The following CCDC38 variants were observed in gnomAD, a reference collection of about 807,000 sequenced individuals.
CCDC38 encodes the protein coiled-coil domain containing 38, also known as coiled-coil domain-containing protein 38.
In CCDC38, 69 loss-of-function variants were observed where a neutral mutation model predicts 72.8. The observed-to-expected ratio is 0.95, with a 90% CI of 0.78 to 1.16. The LOEUF is 1.16. Among genes scored for constraint, CCDC38 ranks in the 50% most tolerant of loss-of-function variants. The pLI is 0.00. For missense variants in CCDC38, 626 were observed against 638.9 expected (o/e 0.98, Z 0.22); for synonymous variants, 201 against 213.2 (o/e 0.94, Z 0.50).
Position 95,898,404 on chromosome 12 carries a change from C to G in CCDC38, c.595G>C (p.Glu199Gln). 3 of 1,614,206 alleles carry G rather than the reference C, an allele frequency of 1.9e-6. No homozygotes were observed. Among genetic ancestry groups the G allele is most frequent in the Middle Eastern group, 3.3e-4 (2 of 6,062 alleles). The change falls in exon 7 of 16, where the codon GAG (glutamate) becomes CAG (glutamine). Residue 199 changes from glutamate (E) to glutamine (Q), a missense_variant. Coordinates refer to ENST00000344280, the MANE Select transcript of CCDC38 (RefSeq NM_182496.3). ...CCTCACCTTTTCACTGCTTGTACCTCCATGCTTGCTTTCTTCAGCTCTGCT... is the reference window on the plus strand; with the variant it reads ...CCTCACCTTTTCACTGCTTGTACCTGCATGCTTGCTTTCTTCAGCTCTGCT... ...MTAELKKASM[E>Q]VQAVKSEIAK...
At chr12:95,908,355 G>T (rs2080039218) in intron 4 of CCDC38, among the ~76,000 whole-genome samples, 1 of 148,406 alleles carries the variant, frequency 6.7e-6, no homozygotes. Context: ...GCAGGCACTC[G>T]GCAGGCTGAG....
At position 95,906,842 on chromosome 12, in the gene CCDC38, T is replaced by A. The variant is rs916730059; in HGVS notation, c.305-391A>T. 1.3e-3 allele frequency among the ~76,000 whole-genome samples: 190 copies of A among 147,530 alleles called. 1 individual carries two copies. The highest frequency in any genetic ancestry group is 4.1e-3 in the African/African-American group (160 of 39,496). On this transcript the variant is annotated intron_variant, in intron 4 of 15. Coordinates refer to ENST00000344280, the MANE Select transcript of CCDC38 (RefSeq NM_182496.3). ...TTTATTTATTTATTTGTTTGTTTTT[T>A]ATTGATCATTCTTGGGTGTTTCTCG...
chr12:95,910,894 T>C (rs773202721), intron 4 of CCDC38, among the ~76,000 whole-genome samples: 7 of 151,870 alleles, frequency 4.6e-5, no homozygotes, highest in Non-Finnish European at 5.9e-5. Flanking sequence ...AAAAATAAAA[T>C]AAAAATTACA....
chr12:95,925,868 G>T (rs1329660537), intron 2 of CCDC38, among the ~76,000 whole-genome samples: 3 of 145,320 alleles, frequency 2.1e-5, no homozygotes, highest in African/African-American at 7.7e-5. Context: ...TATTGAACCA[G>T]GCTTGCATCC....
intron 15 of CCDC38, among the ~76,000 whole-genome samples, chr12:95,868,910 C>A (rs1157487495): frequency 7.9e-5 from 12 of 152,146 alleles, no homozygotes; most frequent in Non-Finnish European, 2.9e-5. Flanking sequence ...AACTGTCAAT[C>A]TCATTGTCTT....
intron 1 of CCDC38, among the ~76,000 whole-genome samples, chr12:95,941,350 T>C (rs1325059467): frequency 6.6e-6 from 1 of 152,194 alleles, no homozygotes; most frequent in African/African-American, 2.4e-5. Context: ...ATAGTAATAA[T>C]ACCTATTACT....
intron 7 of CCDC38, among the ~76,000 whole-genome samples, chr12:95,897,514 G>A (rs890547450): frequency 3.3e-5 from 5 of 150,840 alleles, no homozygotes; most frequent in African/African-American, 1.2e-4. Flanking sequence ...AGTGGCTGAG[G>A]CAGGAGAATC....
chr12:95,930,548 A>G (rs1296084996), intron 2 of CCDC38, among the ~76,000 whole-genome samples: 1 of 151,998 alleles, frequency 6.6e-6, no homozygotes, highest in Non-Finnish European at 1.5e-5. Context: ...GACACTAGTA[A>G]TTGGATTTAG....
intron 1 of CCDC38, among the ~76,000 whole-genome samples, chr12:95,940,876 A>T (rs1269091072): frequency 1.2e-5 from 1 of 81,204 alleles, no homozygotes; most frequent in Non-Finnish European, 2.3e-5. Flanking sequence ...AAGTGAAAAA[A>T]AACAAACAAA....
At chr12:95,907,806 C>G (rs1196429093) in intron 4 of CCDC38, among the ~76,000 whole-genome samples, 2 of 147,062 alleles carry the variant, frequency 1.4e-5, no homozygotes, top group African/African-American at 5.1e-5. Flanking sequence ...CCGGACGGGG[C>G]GACAGGGCAG....
At chr12:95,929,741 T>A (rs567379392) in intron 2 of CCDC38, among the ~76,000 whole-genome samples, 2 of 152,240 alleles carry the variant, frequency 1.3e-5, no homozygotes, top group Non-Finnish European at 2.9e-5. Flanking sequence ...ATTAGTTTCC[T>A]CTTGTTTCCA....
rs144918085 is a variant in CCDC38 at position 95,926,962 on chromosome 12, G to C, written c.38-7986C>G. Reference sequence around the variant, plus strand: ...TTGCTGAGGAGAGCTTTACTTCCAAGTATGTGGTCAATTTTGGAACAGGTA... The same window carrying C: ...TTGCTGAGGAGAGCTTTACTTCCAACTATGTGGTCAATTTTGGAACAGGTA... On this transcript the variant is annotated intron_variant, in intron 2 of 15. Transcript: ENST00000344280. 5.5e-3 allele frequency among the ~76,000 whole-genome samples: 833 copies of C among 152,130 alleles called. 8 individuals carry two copies. Among genetic ancestry groups the C allele is most frequent in the African/African-American group, 0.019 (777 of 41,496 alleles).
At position 95,890,918 on chromosome 12, in the gene CCDC38, T is replaced by C; in HGVS notation, c.785A>G (p.His262Arg). The C allele has an allele frequency of 6.3e-7, 1 of 1,586,402 alleles. No individual in the cohort carries two copies. The highest frequency in any genetic ancestry group is 8.6e-7 in the Non-Finnish European group (1 of 1,159,218). The change falls in exon 9 of 16, where the codon CAT becomes CGT. Residue 262 changes from histidine to arginine, a missense_variant. His to Arg is a conservative substitution (Grantham distance 29). Transcript: ENST00000344280. The part of the protein sequence containing the change: ...LPKILAKLSL[H>R]SSNKEGILEE... ...AAGGATGCCTTCCTTGTTACTTGAATGTAATGATAATTCTAGAAATGGCAA... is the reference window on the plus strand; with the variant it reads ...AAGGATGCCTTCCTTGTTACTTGAACGTAATGATAATTCTAGAAATGGCAA...
chr12:95,881,645 C>G, intron 10 of CCDC38, 91 bp from the exon 11 acceptor site: 1 of 901,520 alleles, frequency 1.1e-6, no homozygotes, highest in Non-Finnish European at 1.7e-6. Context: ...TCGTTGGAAC[C>G]CAACTGTAAC....
At chr12:95,891,731 A>G (rs770110914) in intron 8 of CCDC38, among the ~76,000 whole-genome samples, 2 of 151,564 alleles carry the variant, frequency 1.3e-5, no homozygotes, top group Non-Finnish European at 2.9e-5. Flanking sequence ...GTGCAACACC[A>G]TTTAGCTTTA....
intron 3 of CCDC38, among the ~76,000 whole-genome samples, chr12:95,917,866 CAAAAA>C (rs34424423): frequency 5.0e-5 from 5 of 99,140 alleles, no homozygotes; most frequent in Non-Finnish European, 7.1e-5. Context: ...GCAAGACTGT[CAAAAA>C]AAAAAAAAAA....
intron 8 of CCDC38, among the ~76,000 whole-genome samples, chr12:95,894,780 A>T (rs2079867570): frequency 1.3e-5 from 2 of 152,226 alleles, no homozygotes; most frequent in African/African-American, 4.8e-5. Context: ...AGCCTTAAGT[A>T]TTCCTCTACA....
chr12:95,940,222 T>C (rs1336275646), intron 1 of CCDC38, among the ~76,000 whole-genome samples: 1 of 152,196 alleles, frequency 6.6e-6, no homozygotes, highest in African/African-American at 2.4e-5. Context: ...TCAAAGTTCT[T>C]GAAACCTGGT....
At chr12:95,885,545 T>C (rs535384062) in intron 10 of CCDC38, 1 of 166,794 alleles carries the variant, frequency 6.0e-6, no homozygotes, top group East Asian at 1.5e-4. Flanking sequence ...GATGTTGCTA[T>C]ATTATCAGAG....
Sources: gnomAD v4.1 joint callset for allele counts (sites outside exome capture counted in the v4.1 genomes callset) on GRCh38, gnomAD v4.1.1 for gene constraint, MANE v1.5 for transcripts, NCBI Gene and HGNC (gene_info 2026-07-23, HGNC 2026-07-21) for gene names.